Variants in CCDC122 observed in about 807,000 individuals in gnomAD.
CCDC122 encodes the protein coiled-coil domain-containing protein 122.
Under a neutral mutation model 37.0 loss-of-function variants are expected in CCDC122, and 38 were observed. The observed-to-expected ratio is 1.03, with a 90% CI of 0.79 to 1.35. The LOEUF is 1.35. CCDC122 is among the 40% of genes most tolerant of loss of function. CCDC122 has a pLI of 0.00. For missense variants in CCDC122, 305 were observed against 310.0 expected, an observed-to-expected ratio of 0.98 and a Z score of 0.12; for synonymous variants, 83 against 95.6, an observed-to-expected ratio of 0.87 and a Z score of 0.77.
chr13:43,827,849 T>A (rs777695301), intron 3 of CCDC122, among the ~76,000 whole-genome samples: 4 of 152,212 alleles, frequency 2.6e-5, no homozygotes, highest in Non-Finnish European at 4.4e-5. Flanking sequence ...AGCTTTATTG[T>A]GGCTGTAACC....
At chr13:43,860,765 TCACCCAAATTTA>T (rs1954077419) in intron 4 of CCDC122, among the ~76,000 whole-genome samples, 1 of 152,176 alleles carries the variant, frequency 6.6e-6, no homozygotes, top group Non-Finnish European at 1.5e-5. Context: ...TTGGGTAATT[TCACCCAAATTTA>T]CATCTTCAGC....
chr13:43,852,052 A>T (rs1225000223), intron 6 of CCDC122, among the ~76,000 whole-genome samples: 1 of 152,032 alleles, frequency 6.6e-6, no homozygotes, highest in African/African-American at 2.4e-5. Context: ...CAGCACAAAA[A>T]CCCTGATAAC....
chr13:43,834,413 T>C (rs796873291), downstream of CCDC122, among the ~76,000 whole-genome samples: 1 of 152,090 alleles, frequency 6.6e-6, no homozygotes, highest in Non-Finnish European at 1.5e-5. Context: ...GGACTTCATG[T>C]CTAAAACACC....
intron 6 of CCDC122, among the ~76,000 whole-genome samples, chr13:43,856,902 T>C (rs1399569475): frequency 6.6e-6 from 1 of 151,944 alleles, no homozygotes; most frequent in African/African-American, 2.4e-5. Flanking sequence ...CATCCATTTA[T>C]AATTTGTGTA....
rs180722452 is a variant in CCDC122, at chr13:43,839,228, T to C, written c.673-1799A>G. On this transcript the variant is annotated intron_variant, in intron 6 of 6. Transcript: ENST00000444614. The stretch of plus-strand genomic sequence containing the variant: ...AACATTTTCACCACCTGGTACCCAT[T>C]AGCAGTCATTCCCCATTCCCCTGTC... 2.0e-5 allele frequency among the ~76,000 whole-genome samples: 3 copies of C among 152,302 alleles called. No homozygotes were observed. In the East Asian group the frequency reaches 5.8e-4, roughly 29 times the overall value.
chr13:43,837,821 G>A lies in CCDC122; in HGVS notation c.673-392C>T, dbSNP rs569155221. Among the ~76,000 whole-genome samples the A allele has an allele frequency of 2.0e-5, 3 of 152,196 alleles. No homozygotes were observed. The East Asian group carries it at 5.8e-4, about 29-fold the overall frequency. ...ATACCTTCTTGTTAAGAGAGTTACC[G>A]GTGTTAAACTAAATTTGCCCTGGGG... On this transcript the variant is annotated intron_variant, in intron 6 of 6. Coordinates refer to ENST00000444614, the MANE Select transcript of CCDC122 (RefSeq NM_144974.5).
intron 6 of CCDC122, among the ~76,000 whole-genome samples, chr13:43,842,602 T>C (rs1051320207): frequency 6.6e-6 from 1 of 151,928 alleles, no homozygotes; most frequent in African/African-American, 2.4e-5. Flanking sequence ...ATGTTGAACC[T>C]ATACATCATT....
intron 6 of CCDC122, among the ~76,000 whole-genome samples, chr13:43,846,316 C>T (rs1299513882): frequency 2.0e-5 from 3 of 152,102 alleles, no homozygotes; most frequent in Non-Finnish European, 2.9e-5. Context: ...TCCAGTGATC[C>T]GCCCACCTTG....
chr13:43,822,600 G>A (rs1277289122), downstream of CCDC122, among the ~76,000 whole-genome samples: 1 of 152,216 alleles, frequency 6.6e-6, no homozygotes, highest in Non-Finnish European at 1.5e-5. Flanking sequence ...AAAAACCTTA[G>A]AAATTTACCT....
intron 6 of CCDC122, among the ~76,000 whole-genome samples, chr13:43,849,507 A>C (rs1953654851): frequency 6.6e-6 from 1 of 152,224 alleles, no homozygotes; most frequent in Non-Finnish European, 1.5e-5. Context: ...CTCAAGACCC[A>C]AGTAATGTCC....
chr13:43,833,168 G>A (rs1202954739), downstream of CCDC122, among the ~76,000 whole-genome samples: 1 of 152,080 alleles, frequency 6.6e-6, no homozygotes, highest in Admixed American at 6.6e-5. Flanking sequence ...CTTTACATTG[G>A]TCAACTATAA....
intron 6 of CCDC122, among the ~76,000 whole-genome samples, chr13:43,839,260 C>T (rs1953267535): frequency 1.3e-5 from 2 of 152,216 alleles, no homozygotes; most frequent in African/African-American, 4.8e-5. Context: ...TGTCCCCACA[C>T]TTAACCCTCG....
intron 4 of CCDC122, among the ~76,000 whole-genome samples, chr13:43,863,761 A>C (rs981765168): frequency 1.3e-5 from 2 of 151,998 alleles, no homozygotes; most frequent in African/African-American, 4.8e-5. Context: ...GTGTTTTCAA[A>C]TATTCTCTCC....
At chr13:43,852,021 C>T (rs1272346588) in intron 6 of CCDC122, among the ~76,000 whole-genome samples, 5 of 151,968 alleles carry the variant, frequency 3.3e-5, no homozygotes, top group African/African-American at 1.2e-4. Context: ...GGAGCATAAG[C>T]CCATAAAGAT....
intron 2 of CCDC122, among the ~76,000 whole-genome samples, chr13:43,874,123 T>C (rs1192667668): frequency 6.6e-6 from 1 of 152,206 alleles, no homozygotes; most frequent in Non-Finnish European, 1.5e-5. Flanking sequence ...ATTTCTATTA[T>C]ACCATTTTAG....
intron 4 of CCDC122, among the ~76,000 whole-genome samples, chr13:43,867,238 A>G (rs9567291): frequency 0.024 from 3,633 of 152,202 alleles, 109 homozygotes; most frequent in East Asian, 0.14. Flanking sequence ...CATCAACTTT[A>G]GAATAAAGTT....
chr13:43,850,256 C>A (rs1953678781), intron 6 of CCDC122, among the ~76,000 whole-genome samples: 2 of 152,030 alleles, frequency 1.3e-5, no homozygotes, highest in African/African-American at 2.4e-5. Flanking sequence ...GCATAATACC[C>A]AACATGTCCA....
chr13:43,832,814 T>A (rs1028363319), downstream of CCDC122, among the ~76,000 whole-genome samples: 12 of 152,186 alleles, frequency 7.9e-5, no homozygotes, highest in Middle Eastern at 3.2e-3. Flanking sequence ...GGCAAGTTAC[T>A]CAACCTAAGC....
downstream of CCDC122, among the ~76,000 whole-genome samples, chr13:43,820,341 G>C (rs1387163334): frequency 6.6e-6 from 1 of 152,124 alleles, no homozygotes; most frequent in Non-Finnish European, 1.5e-5. Flanking sequence ...AAACACAGGA[G>C]CTCCACGGTA....
Sources: allele counts gnomAD v4.1 joint callset (sites outside exome capture counted in the v4.1 genomes callset), GRCh38; gene constraint gnomAD v4.1.1; transcripts MANE v1.5; gene names NCBI Gene and HGNC (gene_info 2026-07-23, HGNC 2026-07-21).